The following RAD51B variants were observed in gnomAD, a reference collection of about 807,000 sequenced individuals.
The protein encoded by RAD51B is DNA repair protein RAD51 homolog 2.
In RAD51B, 38 loss-of-function variants were observed where a neutral mutation model predicts 42.2. The ratio of observed to expected loss-of-function variants is 0.90; its 90% confidence interval spans 0.70 to 1.18. The LOEUF (loss-of-function observed/expected upper bound fraction) is 1.18, where lower values mean the gene tolerates loss of function less well. Among genes scored for constraint, RAD51B ranks in the 50% most tolerant of loss-of-function variants. The pLI, the probability that RAD51B is intolerant of heterozygous loss-of-function variation, is 0.00. For missense variants in RAD51B, 373 were observed against 400.7 expected, an observed-to-expected ratio of 0.93 and a Z score of 0.59; for synonymous variants, 154 against 145.2, an observed-to-expected ratio of 1.06 and a Z score of -0.43.
intron 7 of RAD51B, among the ~76,000 whole-genome samples, chr14:67,903,099 C>T (rs932380075): frequency 4.6e-5 from 7 of 152,152 alleles, no homozygotes; most frequent in Non-Finnish European, 1.0e-4. Context: ...CTCAAATGAT[C>T]TGCCCACCTC....
At chr14:68,232,367 GA>G (rs539753766) in intron 7 of RAD51B, among the ~76,000 whole-genome samples, 12,678 of 150,840 alleles carry the variant, frequency 0.084, 768 homozygotes, top group Non-Finnish European at 0.12. Context: ...CTGGCAAAAA[GA>G]AAAAAAAAGA....
chr14:67,875,127 T>G (rs1250157865), intron 5 of RAD51B, among the ~76,000 whole-genome samples: 1 of 152,030 alleles, frequency 6.6e-6, no homozygotes, highest in Non-Finnish European at 1.5e-5. Context: ...GACTGGAATT[T>G]TAGGAGGTAG....
At chr14:67,953,488 G>A (rs34573201) in intron 7 of RAD51B, among the ~76,000 whole-genome samples, 8 of 152,150 alleles carry the variant, frequency 5.3e-5, no homozygotes, top group Admixed American at 3.3e-4. Flanking sequence ...GCAGTGGGGA[G>A]TCCATGAAGA....
intron 8 of RAD51B, among the ~76,000 whole-genome samples, chr14:68,343,223 G>A (rs1246024890): frequency 2.0e-5 from 3 of 152,138 alleles, no homozygotes; most frequent in Non-Finnish European, 4.4e-5. Context: ...CACAATTTGA[G>A]CTCCTTATAT....
At chr14:68,635,786 A>C (rs1892328594) in intron 10 of RAD51B, among the ~76,000 whole-genome samples, 1 of 152,192 alleles carries the variant, frequency 6.6e-6, no homozygotes, top group Non-Finnish European at 1.5e-5. Context: ...GACCACACTA[A>C]GAACCTAGGG....
intron 7 of RAD51B, among the ~76,000 whole-genome samples, chr14:68,027,639 A>C (rs1206768504): frequency 3.9e-5 from 6 of 152,024 alleles, no homozygotes; most frequent in African/African-American, 7.3e-5. Context: ...TAATACTTCC[A>C]ATTATTCCAA....
chr14:68,343,936 T>G (rs1157866479), intron 8 of RAD51B, among the ~76,000 whole-genome samples: 1 of 152,238 alleles, frequency 6.6e-6, no homozygotes, highest in South Asian at 2.1e-4. Flanking sequence ...AGTCTGCAGG[T>G]GCACAGAGTG....
intron 11 of RAD51B, among the ~76,000 whole-genome samples, chr14:68,655,885 C>T (rs958454977): frequency 2.0e-5 from 3 of 152,240 alleles, no homozygotes; most frequent in Non-Finnish European, 4.4e-5. Flanking sequence ...ATTTCCCAGC[C>T]TCTACCATCT....
chr14:67,856,429 G>T (rs973812141), intron 4 of RAD51B, among the ~76,000 whole-genome samples: 1 of 150,456 alleles, frequency 6.6e-6, no homozygotes, highest in East Asian at 1.9e-4. Flanking sequence ...AATGAATTTT[G>T]TAGGTCTGAA....
At chr14:68,563,409 A>G (rs1889254564) in intron 10 of RAD51B, 1 of 985,350 alleles carries the variant, frequency 1.0e-6, no homozygotes, top group South Asian at 4.7e-5. Context: ...CCAAGTCCAG[A>G]GCCCAGTTAT....
At chr14:67,847,127 C>T (rs1330930020) in intron 4 of RAD51B, among the ~76,000 whole-genome samples, 1 of 152,048 alleles carries the variant, frequency 6.6e-6, no homozygotes, top group Non-Finnish European at 1.5e-5. Flanking sequence ...CTTTCTTCAG[C>T]CCAGCATCTA....
chr14:68,621,440 G>C (rs778801949), intron 10 of RAD51B, among the ~76,000 whole-genome samples: 9 of 152,034 alleles, frequency 5.9e-5, no homozygotes, highest in African/African-American at 7.3e-5. Flanking sequence ...TTTCTCCACT[G>C]TCTATGCTTT....
At chr14:68,496,365 T>C (rs66597987) in intron 10 of RAD51B, among the ~76,000 whole-genome samples, 23,947 of 152,216 alleles carry the variant, frequency 0.16, 1,935 homozygotes, top group Middle Eastern at 0.27. Context: ...TCTGCAGCAG[T>C]GTTCCCCAGA....
At chr14:68,303,003 G>A (rs2081778091) in intron 8 of RAD51B, among the ~76,000 whole-genome samples, 1 of 152,206 alleles carries the variant, frequency 6.6e-6, no homozygotes, top group African/African-American at 2.4e-5. Context: ...AAGATTTTGG[G>A]GGGCTTGCTC....
Position 68,019,561 on chromosome 14 carries a change from A to G in RAD51B, c.756+132357A>G, listed in dbSNP as rs374910953. ...AATTTCCATTGCAAATACAGTATTT[A>G]TGAGATGCAAAACCTGCATGTATGG... is the stretch of plus-strand genomic sequence containing the variant. On this transcript the variant is annotated intron_variant, in intron 7 of 10. Coordinates refer to ENST00000471583, the MANE Select transcript of RAD51B (RefSeq NM_133510.4). Among the ~76,000 whole-genome samples, 244 of 152,076 alleles carry G rather than the reference A, an allele frequency of 1.6e-3. 12 individuals carry two copies. The South Asian group carries it at 0.05, about 31-fold the overall frequency.
At chr14:68,469,723 G>T (rs371293072) in intron 10 of RAD51B, among the ~76,000 whole-genome samples, 1 of 152,204 alleles carries the variant, frequency 6.6e-6, no homozygotes, top group Non-Finnish European at 1.5e-5. Context: ...CTTCTTAAAA[G>T]ATTAGAAGTA....
chr14:68,041,992 T>C (rs892148082), intron 7 of RAD51B, among the ~76,000 whole-genome samples: 1 of 152,162 alleles, frequency 6.6e-6, no homozygotes, highest in African/African-American at 2.4e-5. Flanking sequence ...GGGAATTTGA[T>C]GGTTGGATCT....
chr14:68,001,853 C>T (rs1445049738), intron 7 of RAD51B, among the ~76,000 whole-genome samples: 1 of 152,146 alleles, frequency 6.6e-6, no homozygotes. Context: ...CAGTTCCATC[C>T]GTGTCCCTGC....
chr14:67,952,018 A>G (rs2074461760), intron 7 of RAD51B, among the ~76,000 whole-genome samples: 1 of 152,170 alleles, frequency 6.6e-6, no homozygotes, highest in Non-Finnish European at 1.5e-5. Context: ...GGTGGGACAA[A>G]TGAAGACCAG....
Sources: allele counts gnomAD v4.1 joint callset (sites outside exome capture counted in the v4.1 genomes callset), GRCh38; gene constraint gnomAD v4.1.1; transcripts MANE v1.5; gene names NCBI Gene and HGNC (gene_info 2026-07-23, HGNC 2026-07-21).